Variants in PTCHD4 observed in about 807,000 individuals in gnomAD.
PTCHD4 encodes the protein patched domain-containing protein 4.
In PTCHD4, 33 loss-of-function variants were observed where a neutral mutation model predicts 58.1. The ratio of observed to expected loss-of-function variants is 0.57; its 90% confidence interval spans 0.43 to 0.76. The LOEUF (loss-of-function observed/expected upper bound fraction) is 0.76, where lower values mean the gene tolerates loss of function less well. Among genes scored for constraint, PTCHD4 ranks in the 30% least tolerant of loss-of-function variants. The pLI is 0.00. For synonymous variants in PTCHD4, 478 were observed against 409.6 expected (o/e 1.17, Z -2.02); for missense variants, 1,058 against 1,027.1 (o/e 1.03, Z -0.41).
intron 4 of PTCHD4, among the ~76,000 whole-genome samples, chr6:47,902,194 A>C (rs546590813): frequency 5.9e-5 from 9 of 152,206 alleles, no homozygotes; most frequent in Admixed American, 5.2e-4. Context: ...TAAATGTTTC[A>C]TACACATCAA....
At chr6:47,914,409 G>A (rs1338266380) in intron 4 of PTCHD4, among the ~76,000 whole-genome samples, 1 of 152,052 alleles carries the variant, frequency 6.6e-6, no homozygotes, top group Non-Finnish European at 1.5e-5. Context: ...ACCCAGTGGA[G>A]GTGAGAGTAG....
At chr6:48,012,460 AAGG>A (rs1762713957) in intron 3 of PTCHD4, among the ~76,000 whole-genome samples, 1 of 152,142 alleles carries the variant, frequency 6.6e-6, no homozygotes, top group African/African-American at 2.4e-5. Context: ...TTATCAGCTT[AAGG>A]AGATTTGGGA....
intron 1 of PTCHD4, among the ~76,000 whole-genome samples, chr6:48,074,857 A>C (rs1279047758): frequency 6.6e-6 from 1 of 152,186 alleles, no homozygotes; most frequent in Non-Finnish European, 1.5e-5. Context: ...AAATGAATTG[A>C]CTTACTGATT....
At chr6:47,993,310 GTTAGAAGAAT>G (rs1463949597) in intron 4 of PTCHD4, among the ~76,000 whole-genome samples, 1 of 152,122 alleles carries the variant, frequency 6.6e-6, no homozygotes, top group Non-Finnish European at 1.5e-5. Flanking sequence ...AAACATGTAT[GTTAGAAGAAT>G]TTTCTTCAGG....
At chr6:47,916,540 A>G (rs1047646225) in intron 4 of PTCHD4, among the ~76,000 whole-genome samples, 7 of 152,206 alleles carry the variant, frequency 4.6e-5, no homozygotes, top group Admixed American at 6.5e-5. Flanking sequence ...TCCATTCCCA[A>G]TTATGAAAGA....
At chr6:48,086,832 T>C (rs995793356) in intron 1 of PTCHD4, among the ~76,000 whole-genome samples, 19 of 152,226 alleles carry the variant, frequency 1.2e-4, no homozygotes, top group African/African-American at 4.6e-4. Context: ...ATGGTTGCTA[T>C]GTATTTTTTA....
chr6:47,963,962 T>G (rs1767194081), intron 4 of PTCHD4, among the ~76,000 whole-genome samples: 2 of 152,208 alleles, frequency 1.3e-5, no homozygotes, highest in Admixed American at 1.3e-4. Flanking sequence ...GTAATAGGAT[T>G]AAACCACTCA....
chr6:47,915,944 T>G (rs1765229484), intron 4 of PTCHD4, among the ~76,000 whole-genome samples: 2 of 152,140 alleles, frequency 1.3e-5, no homozygotes, highest in African/African-American at 4.8e-5. Flanking sequence ...TACACACTGC[T>G]GAAAGATTTC....
At chr6:48,097,727 G>T (rs973905131) in intron 1 of PTCHD4, among the ~76,000 whole-genome samples, 11 of 152,118 alleles carry the variant, frequency 7.2e-5, no homozygotes, top group Non-Finnish European at 2.9e-5. Context: ...TTATTAGGAA[G>T]CTATTATAAG....
chr6:48,084,928 G>C (rs1304619749), intron 1 of PTCHD4, among the ~76,000 whole-genome samples: 1 of 151,676 alleles, frequency 6.6e-6, no homozygotes, highest in Non-Finnish European at 1.5e-5. Flanking sequence ...TATCTTAGTA[G>C]AGACGGTGTT....
At chr6:47,884,575 A>T (rs1327784897) in intron 4 of PTCHD4, among the ~76,000 whole-genome samples, 1 of 152,166 alleles carries the variant, frequency 6.6e-6, no homozygotes, top group Non-Finnish European at 1.5e-5. Context: ...CTGAATGATG[A>T]TTGGAACTAC....
rs569005783 is a variant in PTCHD4, at chr6:47,901,306, T to G, written c.899-21370A>C. ...TTCATAAAGTTATTAACCTGTAGTTTTCCTTCCTTGTGATGTTTTTGTCTG... is the reference window on the plus strand; with the variant it reads ...TTCATAAAGTTATTAACCTGTAGTTGTCCTTCCTTGTGATGTTTTTGTCTG... On this transcript the variant is annotated intron_variant, in intron 4 of 4. Transcript: ENST00000339488. 1.8e-5 allele frequency: 7 copies of G among 383,460 alleles called. No individual in the cohort carries two copies. The South Asian group carries it at 6.5e-4, about 35-fold the overall frequency. The allele number at this position is 383,460 out of a possible 1,614,324, so 23.8% of individuals were successfully genotyped here. A position where few individuals can be genotyped will look rare whatever the true frequency, so the allele number is the denominator to read the frequency against.
At position 48,069,146 on chromosome 6, in the gene PTCHD4, G is replaced by C. The variant is rs1001324744; in HGVS notation, c.-189C>G. 5.0e-5 allele frequency among the ~76,000 whole-genome samples: 7 copies of C among 140,148 alleles called. No individual in the cohort carries two copies. Among genetic ancestry groups the C allele is most frequent in the African/African-American group, 1.6e-4 (6 of 38,202 alleles). The allele number at this position is 140,148 out of a possible 152,430, so 91.9% of individuals were successfully genotyped here. ...GCAGACATGTGCCCCATAAAGGGGGGGGGGGCTGAGGGGGGGAGAGGAGGG... is the reference window on the plus strand; with the variant it reads ...GCAGACATGTGCCCCATAAAGGGGGCGGGGGCTGAGGGGGGGAGAGGAGGG... On this transcript the variant is annotated 5_prime_UTR_variant, in exon 2 of 5. Transcript: ENST00000339488.
intron 3 of PTCHD4, among the ~76,000 whole-genome samples, chr6:48,036,050 C>T (rs989652041): frequency 7.2e-5 from 11 of 151,882 alleles, no homozygotes; most frequent in African/African-American, 2.4e-4. Flanking sequence ...GATACACCCT[C>T]GAGCTTGAGA....
intron 4 of PTCHD4, among the ~76,000 whole-genome samples, chr6:47,914,786 A>C (rs949245388): frequency 1.3e-5 from 2 of 149,130 alleles, no homozygotes; most frequent in East Asian, 3.9e-4. Flanking sequence ...CTATCTATCT[A>C]TCTATATTTG....
intron 4 of PTCHD4, among the ~76,000 whole-genome samples, chr6:47,956,593 C>T (rs1410339766): frequency 6.6e-6 from 1 of 151,928 alleles, no homozygotes; most frequent in African/African-American, 2.4e-5. Flanking sequence ...ACCACCACGC[C>T]CGGCTAATTT....
At chr6:48,031,763 A>G (rs1280353304) in intron 3 of PTCHD4, among the ~76,000 whole-genome samples, 1 of 152,172 alleles carries the variant, frequency 6.6e-6, no homozygotes. Flanking sequence ...GCAGAGGAGA[A>G]ATTCTAAGGG....
At position 47,861,861 on chromosome 6, in the gene PTCHD4, C is replaced by CACTTGGCA. The variant is rs1763435002; in HGVS notation, c.*16441_*16442insTGCCAAGT. On this transcript the variant is annotated 3_prime_UTR_variant, in exon 5 of 5. Coordinates refer to ENST00000339488, the MANE Select transcript of PTCHD4 (RefSeq NM_001384253.1). Reference sequence around the variant, plus strand: ...ACTTGGCACATTATAGGTTCTTAATCCATGTTTGTTGGATGGATTAATGAA... The same window carrying CACTTGGCA: ...ACTTGGCACATTATAGGTTCTTAATCACTTGGCACATGTTTGTTGGATGGATTAATGAA... 6.6e-6 allele frequency among the ~76,000 whole-genome samples: 1 copy of CACTTGGCA among 151,846 alleles called. No individual in the cohort carries two copies. Among genetic ancestry groups the CACTTGGCA allele is most frequent in the Non-Finnish European group, 1.5e-5 (1 of 67,878 alleles).
rs1000078178 is a variant in PTCHD4, at chr6:47,928,154, C to T, written c.899-48218G>A. ...TGGACTATTGCTTTTTCCAAGCTCACACCTCCTTGAAGATTTCTAGTTGGC... is the reference window on the plus strand; with the variant it reads ...TGGACTATTGCTTTTTCCAAGCTCATACCTCCTTGAAGATTTCTAGTTGGC... On this transcript the variant is annotated intron_variant, in intron 4 of 4. Coordinates refer to ENST00000339488, the MANE Select transcript of PTCHD4 (RefSeq NM_001384253.1). 2.6e-5 allele frequency among the ~76,000 whole-genome samples: 4 copies of T among 152,164 alleles called. No homozygotes were observed. The East Asian group carries it at 7.7e-4, about 29-fold the overall frequency.
Sources: gnomAD v4.1 joint callset for allele counts (sites outside exome capture counted in the v4.1 genomes callset) on GRCh38, gnomAD v4.1.1 for gene constraint, MANE v1.5 for transcripts, NCBI Gene and HGNC (gene_info 2026-07-23, HGNC 2026-07-21) for gene names.